Variants in NBPF26 observed in about 807,000 individuals in gnomAD.
NBPF26 encodes NBPF family member NBPF26.
A neutral mutation model predicts 119.6 loss-of-function variants in NBPF26; 79 were observed. That is an observed-to-expected ratio of 0.66 (90% CI 0.55 to 0.80). The LOEUF is 0.80. Ranked by LOEUF, NBPF26 falls within the 30% of genes least tolerant of loss-of-function variation. The pLI is 0.00. For missense variants in NBPF26, 800 were observed against 1,198.2 expected, an observed-to-expected ratio of 0.67 and a Z score of 4.91; for synonymous variants, 299 against 457.7, an observed-to-expected ratio of 0.65 and a Z score of 4.43.
chr1:120,787,187 ATT>A (rs1651430776), intron 3 of NBPF26, among the ~76,000 whole-genome samples: 2 of 87,884 alleles, frequency 2.3e-5, no homozygotes, highest in South Asian at 3.5e-4. Context: ...ATATATATAT[ATT>A]GGCAATCTTT....
At chr1:120,740,106 T>G (rs1650939192) in intron 1 of NBPF26, among the ~76,000 whole-genome samples, 3 of 126,972 alleles carry the variant, frequency 2.4e-5, no homozygotes, top group Admixed American at 8.1e-5. Flanking sequence ...GATTTCAGAT[T>G]AAAGATGAAG....
chr1:120,763,610 A>T lies in NBPF26; in HGVS notation c.74-18A>T. The T allele has an allele frequency of 1.6e-6, 2 of 1,213,572 alleles. No individual in the cohort carries two copies. The highest frequency in any genetic ancestry group is 2.4e-5 in the East Asian group (1 of 41,188). The allele number at this position is 1,213,572 out of a possible 1,614,324, so 75.2% of individuals were successfully genotyped here. On this transcript the variant is annotated intron_variant, in intron 1 of 29. Coordinates refer to ENST00000620612, the Ensembl canonical transcript of NBPF26. Reference sequence around the variant, plus strand: ...GATTAGTGACTTACTTCTAATGTGCATTTGTTTTTATTTTTAGCATTGCAG... The same window carrying T: ...GATTAGTGACTTACTTCTAATGTGCTTTTGTTTTTATTTTTAGCATTGCAG...
intron 2 of NBPF26, among the ~76,000 whole-genome samples, chr1:120,765,217 G>A (rs1651178158): frequency 8.8e-6 from 1 of 113,062 alleles, no homozygotes; most frequent in Non-Finnish European, 1.7e-5. Context: ...TACAACTGGA[G>A]ATAATAAGGG....
At position 120,729,141 on chromosome 1, in the gene NBPF26, G is replaced by A. The variant is rs1359084420; in HGVS notation, c.73+4891G>A. On this transcript the variant is annotated intron_variant, in intron 1 of 29. Transcript: ENST00000620612. ...TTTCTATGTTCTTTTTTCCTTTGAA[G>A]AGATAGGATCAGTTGAAAGCTGACC... Among the ~76,000 whole-genome samples the A allele has an allele frequency of 5.2e-4, 38 of 72,872 alleles. 2 individuals carry two copies. Among genetic ancestry groups the A allele is most frequent in the Non-Finnish European group, 2.4e-4 (10 of 42,508 alleles). The allele number at this position is 72,872 out of a possible 152,430, so 47.8% of individuals were successfully genotyped here. A position where few individuals can be genotyped will look rare whatever the true frequency, so the allele number is the denominator to read the frequency against.
intron 2 of NBPF26, among the ~76,000 whole-genome samples, chr1:120,779,522 T>C (rs1314492540): frequency 8.3e-6 from 1 of 119,834 alleles, no homozygotes; most frequent in Admixed American, 8.3e-5. Context: ...GAGACAGTTA[T>C]GAAAATAATT....
chr1:120,807,275 T>C (rs1553270204), intron 5 of NBPF26, among the ~76,000 whole-genome samples: 3 of 125,968 alleles, frequency 2.4e-5, no homozygotes, highest in East Asian at 2.0e-4. Context: ...TGCAGTGTTT[T>C]AGAGGAGAGG....
intron 2 of NBPF26, among the ~76,000 whole-genome samples, chr1:120,784,134 G>A (rs1651396162): frequency 8.5e-6 from 1 of 117,914 alleles, no homozygotes; most frequent in East Asian, 2.1e-4. Context: ...GGTTAAAAGA[G>A]ACTTGTATAT....
At chr1:120,727,016 A>C (rs1285563998) in intron 1 of NBPF26, among the ~76,000 whole-genome samples, 1 of 112,886 alleles carries the variant, frequency 8.9e-6, no homozygotes, top group Non-Finnish European at 1.7e-5. Flanking sequence ...CTTACAATAC[A>C]TCTTAAAAAT....
rs1380970771 is a variant in NBPF26, at chr1:120,814,717, C to T, written c.1878-112C>T. 1.7e-4 allele frequency: 111 copies of T among 643,344 alleles called. 17 individuals are homozygous for T. The highest frequency in any genetic ancestry group is 4.0e-4 in the Middle Eastern group (1 of 2,488). 39.9% of individuals were successfully genotyped at this position (643,344 alleles called of 1,614,324 possible). On this transcript the variant is annotated intron_variant, in intron 11 of 29. Transcript: ENST00000620612. ...GACATTCCTTTAAACATGTGCTGAC[C>T]TTCTGCTTCGAGGTCTCCTTGAGGA...
At chr1:120,801,450 A>G (rs1486511982) in intron 4 of NBPF26, among the ~76,000 whole-genome samples, 1 of 102,398 alleles carries the variant, frequency 9.8e-6, no homozygotes, top group Non-Finnish European at 1.8e-5. Context: ...TATATGAATT[A>G]TACTATAGAA....
intron 18 of NBPF26, among the ~76,000 whole-genome samples, 177 bp from the exon 20 acceptor site, chr1:120,825,337 G>A (rs1191773079): frequency 4.8e-4 from 58 of 121,972 alleles, no homozygotes; most frequent in East Asian, 2.1e-3. Context: ...TTTCTCTTTC[G>A]TTCTTTTCTA....
rs1437997421 is a variant in NBPF26, at chr1:120,810,939, C to T, written c.1564+381C>T. 3.7e-5 allele frequency among the ~76,000 whole-genome samples: 4 copies of T among 108,730 alleles called. 1 individual carries two copies. The highest frequency in any genetic ancestry group is 7.1e-5 in the Non-Finnish European group (4 of 56,406). The allele number at this position is 108,730 out of a possible 152,430, so 71.3% of individuals were successfully genotyped here. ...CTCTCTCTCCTTTTCATTGGCTTGT[C>T]TTAGCTATTAATAAGTCTCGGCTGG... On this transcript the variant is annotated intron_variant, in intron 9 of 29. Coordinates refer to ENST00000620612, the Ensembl canonical transcript of NBPF26.
Position 120,808,000 on chromosome 1 carries a change from C to T in NBPF26, c.1064+291C>T, listed in dbSNP as rs1473163618. On this transcript the variant is annotated intron_variant, in intron 6 of 29. Transcript: ENST00000620612. Reference sequence around the variant, plus strand: ...GGAGTGGGAACCACCCAGCAGCATTCAGTATAATCAAAATGGTGTGCCATC... The same window carrying T: ...GGAGTGGGAACCACCCAGCAGCATTTAGTATAATCAAAATGGTGTGCCATC... Among the ~76,000 whole-genome samples, 13 of 122,462 alleles carry T rather than the reference C, an allele frequency of 1.1e-4. 3 individuals carry two copies. Among genetic ancestry groups the T allele is most frequent in the Admixed American group, 8.0e-4 (10 of 12,574 alleles). 80.3% of individuals were successfully genotyped at this position (122,462 alleles called of 152,430 possible). A position where few individuals can be genotyped will look rare whatever the true frequency, so the allele number is the denominator to read the frequency against.
intron 29 of NBPF26, 88 bp from the exon 36 acceptor site, chr1:120,840,262 A>C: frequency 1.4e-6 from 2 of 1,429,178 alleles, no homozygotes; most frequent in African/African-American, 2.7e-5. Context: ...TTTTCTAACC[A>C]CTTCCTTATG....
chr1:120,770,318 C>T (rs1242266725), intron 2 of NBPF26, among the ~76,000 whole-genome samples: 3 of 107,998 alleles, frequency 2.8e-5, no homozygotes, highest in South Asian at 2.8e-4. Context: ...TATAAGCGCC[C>T]GCCACCACGC....
In NBPF26 at chr1:120,724,405, G is replaced by T. The variant is rs1304431507; in HGVS notation, c.73+155G>T. On this transcript the variant is annotated intron_variant, in intron 1 of 29. Transcript: ENST00000620612. Reference sequence around the variant, plus strand: ...CTGGGTTCCCAAGAGTTTGGACATCGCCGGGGGCCCCTCCCGTGGTGCCCC... The same window carrying T: ...CTGGGTTCCCAAGAGTTTGGACATCTCCGGGGGCCCCTCCCGTGGTGCCCC... Among the ~76,000 whole-genome samples the T allele has an allele frequency of 2.7e-4, 32 of 120,286 alleles. 10 individuals are homozygous for T. Among genetic ancestry groups the T allele is most frequent in the Non-Finnish European group, 6.5e-5 (4 of 61,450 alleles). The allele number at this position is 120,286 out of a possible 152,430, so 78.9% of individuals were successfully genotyped here. A position where few individuals can be genotyped will look rare whatever the true frequency, so the allele number is the denominator to read the frequency against.
chr1:120,724,793 G>T (rs1279226896), intron 1 of NBPF26, among the ~76,000 whole-genome samples: 2 of 104,640 alleles, frequency 1.9e-5, no homozygotes, highest in Non-Finnish European at 3.7e-5. Context: ...CGGCGCGCCT[G>T]AGTTTTGACA....
intron 1 of NBPF26, among the ~76,000 whole-genome samples, chr1:120,752,546 ATATATATATTTT>A (rs1351658184): frequency 2.4e-4 from 3 of 12,760 alleles, no homozygotes; most frequent in African/African-American, 1.3e-3. Context: ...ATATATATAT[ATATATATATTTT>A]TTTTTTTTTT....
In NBPF26 at chr1:120,819,096, A is replaced by G. The variant is rs1652075614; in HGVS notation, c.2423+922A>G. On this transcript the variant is annotated intron_variant, in intron 15 of 29. Coordinates refer to ENST00000620612, the Ensembl canonical transcript of NBPF26. ...CAGTGGGGTGTTAAAGTCTCCCATG[A>G]TGATTTTGTGGAGTCTAAATCTCTT... Among the ~76,000 whole-genome samples, 2 of 125,068 alleles carry G rather than the reference A, an allele frequency of 1.6e-5. 1 individual carries two copies. The highest frequency in any genetic ancestry group is 1.5e-4 in the Admixed American group (2 of 12,922). 82.0% of individuals were successfully genotyped at this position (125,068 alleles called of 152,430 possible).
Sources: gnomAD v4.1 joint callset for allele counts (sites outside exome capture counted in the v4.1 genomes callset) on GRCh38, gnomAD v4.1.1 for gene constraint, MANE v1.5 for transcripts, NCBI Gene and HGNC (gene_info 2026-07-23, HGNC 2026-07-21) for gene names.